The following SLC15A5 variants were observed in gnomAD, a reference collection of about 807,000 sequenced individuals.
SLC15A5 encodes the protein Peptide/histidine transporter ENSP00000340402.
In SLC15A5, 58 loss-of-function variants were observed where a neutral mutation model predicts 56.1. The ratio of observed to expected loss-of-function variants is 1.03; its 90% CI spans 0.84 to 1.29. The LOEUF (loss-of-function observed/expected upper bound fraction) is 1.29, where lower values mean the gene tolerates loss of function less well. SLC15A5 is among the 50% of genes most tolerant of loss of function. SLC15A5 has a pLI of 0.00. For missense variants in SLC15A5, 681 were observed against 672.1 expected, an observed-to-expected ratio of 1.01 and a Z score of -0.15; for synonymous variants, 264 against 250.5, an observed-to-expected ratio of 1.05 and a Z score of -0.51.
At position 16,189,094 on chromosome 12, in the gene SLC15A5, A is replaced by G. The variant is rs1184094974; in HGVS notation, c.*574T>C. 6.6e-6 allele frequency: 1 copy of G among 152,160 alleles called. No homozygotes were observed. The highest frequency in any genetic ancestry group is 1.5e-5 in the Non-Finnish European group (1 of 68,022). The allele number at this position is 152,160 out of a possible 1,614,324, so 9.4% of individuals were successfully genotyped here. A position where few individuals can be genotyped will look rare whatever the true frequency, so the allele number is the denominator to read the frequency against. On this transcript the variant is annotated 3_prime_UTR_variant, in exon 9 of 9. Transcript: ENST00000344941. ...TATGCGGACATTCTCTTTGTTAAGG[A>G]CATCTATTTTAGTAATACTGCTTTT...
intron 2 of SLC15A5, among the ~76,000 whole-genome samples, chr12:16,260,389 C>T (rs977908971): frequency 4.6e-5 from 7 of 152,046 alleles, no homozygotes; most frequent in African/African-American, 9.7e-5. Context: ...AATCTCCCTA[C>T]GTTCGTTTGT....
chr12:16,266,315 G>A (rs977690967), intron 2 of SLC15A5, among the ~76,000 whole-genome samples: 5 of 152,124 alleles, frequency 3.3e-5, no homozygotes, highest in African/African-American at 1.2e-4. Context: ...GTTAAGCATT[G>A]TTGAGAAAAT....
intron 2 of SLC15A5, among the ~76,000 whole-genome samples, chr12:16,265,296 T>C (rs556316223): frequency 7.2e-5 from 11 of 152,294 alleles, no homozygotes; most frequent in African/African-American, 2.6e-4. Flanking sequence ...ATATGTGATA[T>C]GTGTTTGGAA....
intron 6 of SLC15A5, among the ~76,000 whole-genome samples, chr12:16,220,192 T>C (rs1864171778): frequency 6.6e-6 from 1 of 152,210 alleles, no homozygotes; most frequent in African/African-American, 2.4e-5. Context: ...ATATCTCCCT[T>C]AACCCTAAAA....
At position 16,237,297 on chromosome 12, in the gene SLC15A5, G is replaced by T. The variant is rs16916720; in HGVS notation, c.1162+2384C>A. Reference sequence around the variant, plus strand: ...TCTAGTTTAAAAGACGCATATCATCGCACTTTTATATTCCCATAGCAAAAC... The same window carrying T: ...TCTAGTTTAAAAGACGCATATCATCTCACTTTTATATTCCCATAGCAAAAC... On this transcript the variant is annotated intron_variant, in intron 5 of 8. Transcript: ENST00000344941. This position sits in a 1 kb window ranked among gnomAD's most constrained non-coding sequence, Gnocchi z 4.1. Among the ~76,000 whole-genome samples the T allele has an allele frequency of 1.3e-5, 2 of 152,012 alleles. No homozygotes were observed. The highest frequency in any genetic ancestry group is 4.8e-5 in the African/African-American group (2 of 41,394).
chr12:16,241,652 A>G (rs1000364927), intron 4 of SLC15A5, among the ~76,000 whole-genome samples: 18 of 152,202 alleles, frequency 1.2e-4, no homozygotes, highest in African/African-American at 4.3e-4. Flanking sequence ...TTAAGCATGG[A>G]TCCCCCATCG....
chr12:16,197,499 G>C (rs574265494), intron 7 of SLC15A5, among the ~76,000 whole-genome samples: 1 of 152,218 alleles, frequency 6.6e-6, no homozygotes, highest in African/African-American at 2.4e-5. Context: ...TGTAGTCGTT[G>C]GGCAAATAAC....
At chr12:16,263,702 A>G (rs1864665035) in intron 2 of SLC15A5, among the ~76,000 whole-genome samples, 1 of 152,148 alleles carries the variant, frequency 6.6e-6, no homozygotes, top group Non-Finnish European at 1.5e-5. Context: ...TGCTGTGTGT[A>G]GTCTAGGGAC....
At chr12:16,266,684 T>A (rs1271933448) in intron 2 of SLC15A5, among the ~76,000 whole-genome samples, 4 of 152,126 alleles carry the variant, frequency 2.6e-5, no homozygotes, top group Admixed American at 6.5e-5. Context: ...AAACCCACAG[T>A]CTTCAAACTT....
In SLC15A5 at chr12:16,202,870, G is replaced by A. The variant is rs927857768; in HGVS notation, c.1484-8417C>T. On this transcript the variant is annotated intron_variant, in intron 7 of 8. Transcript: ENST00000344941. ...TGACGTAAGCAAGACACAGAAAGACGAATACCATATCATCTCACTTATATG... is the reference window on the plus strand; with the variant it reads ...TGACGTAAGCAAGACACAGAAAGACAAATACCATATCATCTCACTTATATG... Among the ~76,000 whole-genome samples the A allele has an allele frequency of 7.2e-5, 11 of 152,028 alleles. No homozygotes were observed. The South Asian group carries it at 2.1e-3, about 29-fold the overall frequency.
At chr12:16,261,912 G>A (rs1384332619) in intron 2 of SLC15A5, among the ~76,000 whole-genome samples, 1 of 152,180 alleles carries the variant, frequency 6.6e-6, no homozygotes, top group African/African-American at 2.4e-5. Flanking sequence ...TGATTTGTAA[G>A]TATTTTCTCC....
At chr12:16,263,488 A>G (rs1422870382) in intron 2 of SLC15A5, among the ~76,000 whole-genome samples, 1 of 152,192 alleles carries the variant, frequency 6.6e-6, no homozygotes. Context: ...ATGCAATAGA[A>G]AAGAAAATCC....
intron 7 of SLC15A5, among the ~76,000 whole-genome samples, chr12:16,210,138 G>A (rs928786866): frequency 1.3e-5 from 2 of 152,000 alleles, no homozygotes; most frequent in Non-Finnish European, 2.9e-5. Flanking sequence ...CTTGATATAT[G>A]TGCTCTCTAC....
At chr12:16,193,815 GAGAGAGAGAGAGAGAGAGAGAGAGA>G (rs1200098706) in intron 8 of SLC15A5, among the ~76,000 whole-genome samples, 1 of 144,266 alleles carries the variant, frequency 6.9e-6, no homozygotes, top group Non-Finnish European at 1.5e-5. Context: ...GAGAGAGAGA[GAGAGAGAGAGAGAGAGAGAGAGAGA>G]GAGAGGCTGG....
intron 3 of SLC15A5, among the ~76,000 whole-genome samples, chr12:16,246,617 T>C (rs1799497): frequency 0.43 from 65,313 of 152,048 alleles, 14,936 homozygotes; most frequent in Middle Eastern, 0.51. Context: ...TAGGTTTGAT[T>C]ATTAAATGAT....
intron 1 of SLC15A5, among the ~76,000 whole-genome samples, chr12:16,274,523 A>G: frequency 6.6e-6 from 1 of 152,144 alleles, no homozygotes; most frequent in East Asian, 1.9e-4. Context: ...TCTCCCCTAC[A>G]GAGGCTTTCA....
intron 2 of SLC15A5, among the ~76,000 whole-genome samples, chr12:16,260,545 T>A (rs1215921938): frequency 6.6e-6 from 1 of 152,064 alleles, no homozygotes; most frequent in Non-Finnish European, 1.5e-5. Context: ...TCTTCATATA[T>A]TTTGGATGCA....
Position 16,225,123 on chromosome 12 carries a change from A to G in SLC15A5, c.1163-521T>C, listed in dbSNP as rs558015246. On this transcript the variant is annotated intron_variant, in intron 5 of 8. Transcript: ENST00000344941. ...GTGCCACATTTTCTTAATCCAGTCT[A>G]TCATTGTTGGACATTTGGTTTGGTT... is the stretch of plus-strand genomic sequence containing the variant. Among the ~76,000 whole-genome samples, 17 of 152,196 alleles carry G rather than the reference A, an allele frequency of 1.1e-4. 1 individual carries two copies. In the South Asian group the frequency reaches 3.1e-3, roughly 28 times the overall value.
At chr12:16,205,188 T>TA (rs1457704863) in intron 7 of SLC15A5, among the ~76,000 whole-genome samples, 1 of 151,994 alleles carries the variant, frequency 6.6e-6, no homozygotes, top group Non-Finnish European at 1.5e-5. Context: ...TTTTACACTC[T>TA]AAAAAATACA....
Sources: gnomAD v4.1 joint callset for allele counts (sites outside exome capture counted in the v4.1 genomes callset) on GRCh38, gnomAD v4.1.1 for gene constraint, Gnocchi (gnomAD v3.1) non-coding constraint, MANE v1.5 for transcripts, NCBI Gene and HGNC (gene_info 2026-07-23, HGNC 2026-07-21) for gene names.